The following SLC22A23 variants were observed in gnomAD, a reference collection of about 807,000 sequenced individuals.
SLC22A23 encodes ion transporter protein.
SLC22A23 carries 26 observed loss-of-function variants against 61.0 expected under a neutral mutation model. That is an observed-to-expected ratio of 0.43 (90% CI 0.31 to 0.59). The LOEUF (loss-of-function observed/expected upper bound fraction) is 0.59. SLC22A23 is among the 20% of genes least tolerant of loss of function. The pLI, the probability that SLC22A23 is intolerant of heterozygous loss-of-function variation, is 0.11. For missense variants in SLC22A23, 796 were observed against 934.7 expected, an observed-to-expected ratio of 0.85 and a Z score of 1.94; for synonymous variants, 430 against 413.9, an observed-to-expected ratio of 1.04 and a Z score of -0.47.
intron 9 of SLC22A23, among the ~76,000 whole-genome samples, chr6:3,280,547 G>A (rs1441678125): frequency 7.2e-6 from 1 of 138,944 alleles, no homozygotes; most frequent in Non-Finnish European, 1.5e-5. Flanking sequence ...CCAGGCTGGA[G>A]TGCAGTGGCG....
chr6:3,456,983 G>A lies in SLC22A23; in HGVS notation c.-424C>T, dbSNP rs1368042581. ...GGTGCGGGCAAAGGCTGCTGCTCCCGGGGTGGCCGCGCTGTATTTCTCCGA... is the reference window on the plus strand; with the variant it reads ...GGTGCGGGCAAAGGCTGCTGCTCCCAGGGTGGCCGCGCTGTATTTCTCCGA... On this transcript the variant is annotated 5_prime_UTR_variant, in exon 1 of 10. Coordinates refer to ENST00000406686, the MANE Select transcript of SLC22A23 (RefSeq NM_015482.2). This position sits in a 1 kb window ranked among gnomAD's most constrained non-coding sequence, Gnocchi z 7.1. The A allele has an allele frequency of 1.3e-5, 2 of 151,434 alleles. No homozygotes were observed. The highest frequency in any genetic ancestry group is 3.0e-5 in the Non-Finnish European group (2 of 67,584). The allele number at this position is 151,434 out of a possible 1,614,324, so 9.4% of individuals were successfully genotyped here. A position where few individuals can be genotyped will look rare whatever the true frequency, so the allele number is the denominator to read the frequency against.
At chr6:3,282,022 A>C (rs930622608) in intron 9 of SLC22A23, among the ~76,000 whole-genome samples, 1 of 152,178 alleles carries the variant, frequency 6.6e-6, no homozygotes, top group African/African-American at 2.4e-5. Flanking sequence ...TGCTAAGCCA[A>C]ATCTAACAGA....
chr6:3,431,066 CAAAAAAAAA>C (rs751754256), intron 1 of SLC22A23, among the ~76,000 whole-genome samples: 1 of 129,462 alleles, frequency 7.7e-6, no homozygotes. Flanking sequence ...AACTCCGTCT[CAAAAAAAAA>C]AAAAAAAAAA....
rs566206184 is a variant in SLC22A23 at position 3,283,926 on chromosome 6, C to G, written c.1629G>C (p.Val543=). The change falls in exon 9 of 10, where the codon GTG becomes GTC. Residue 543 remains valine, a synonymous_variant. Coordinates refer to ENST00000406686, the MANE Select transcript of SLC22A23 (RefSeq NM_015482.2). Reference sequence around the variant, plus strand: ...CCACCGCATGGGAGGCAAACATGCCCACGATGGAAAACGCGATGGAAAATT... The same window carrying G: ...CCACCGCATGGGAGGCAAACATGCCGACGATGGAAAACGCGATGGAAAATT... The part of the protein sequence containing the change: ...KDKFSIAFSI[V]GMFASHAVGS... The G allele has an allele frequency of 1.9e-6, 3 of 1,609,776 alleles. No homozygotes were observed. Among genetic ancestry groups the G allele is most frequent in the Non-Finnish European group, 2.6e-6 (3 of 1,176,386 alleles).
chr6:3,425,120 C>T (rs954478499), intron 1 of SLC22A23, among the ~76,000 whole-genome samples: 12 of 151,824 alleles, frequency 7.9e-5, no homozygotes, highest in Admixed American at 1.3e-4. Context: ...ATAATTAATA[C>T]ATAATTATTA....
At chr6:3,409,009 C>G (rs149480894) in intron 3 of SLC22A23, among the ~76,000 whole-genome samples, 2 of 152,232 alleles carry the variant, frequency 1.3e-5, no homozygotes, top group East Asian at 3.8e-4. Context: ...CCATAGACAA[C>G]GGCACAGGCA....
chr6:3,432,218 C>T (rs1770913265), intron 1 of SLC22A23: 1 of 985,332 alleles, frequency 1.0e-6, no homozygotes, highest in Non-Finnish European at 1.2e-6. Flanking sequence ...CGCCTCTGCT[C>T]CCTGGATCTT....
chr6:3,341,930 C>A (rs996134327), intron 3 of SLC22A23, among the ~76,000 whole-genome samples: 5 of 152,096 alleles, frequency 3.3e-5, no homozygotes, highest in Non-Finnish European at 5.9e-5. Context: ...GTACTTCTTT[C>A]ATTTCCTAAA....
chr6:3,291,334 T>C (rs1369452826), intron 5 of SLC22A23: 2 of 152,250 alleles, frequency 1.3e-5, no homozygotes, highest in African/African-American at 2.4e-5. Flanking sequence ...TCTTTCATTA[T>C]AGTTTGAAGA....
chr6:3,385,690 T>G (rs1287759647), intron 3 of SLC22A23, among the ~76,000 whole-genome samples: 2 of 152,202 alleles, frequency 1.3e-5, no homozygotes, highest in Non-Finnish European at 2.9e-5. Flanking sequence ...CCCTTACAAG[T>G]CTGGGCTCCT....
At position 3,447,895 on chromosome 6, in the gene SLC22A23, C is replaced by CTTTTTT. The variant is rs368195068; in HGVS notation, c.654+8010_654+8011insAAAAAA. On this transcript the variant is annotated intron_variant, in intron 1 of 9. Coordinates refer to ENST00000406686, the MANE Select transcript of SLC22A23 (RefSeq NM_015482.2). ...GAGCTACCATGCCTGGCCTCTCTCT[C>CTTTTTT]TCTTTTTTTTTTTTTTTTTTTGAGA... Among the ~76,000 whole-genome samples, 4 of 78,128 alleles carry CTTTTTT rather than the reference C, an allele frequency of 5.1e-5. 1 individual carries two copies. Among genetic ancestry groups the CTTTTTT allele is most frequent in the Non-Finnish European group, 6.8e-5 (3 of 44,110 alleles). The allele number at this position is 78,128 out of a possible 152,430, so 51.3% of individuals were successfully genotyped here.
chr6:3,440,327 AAG>A (rs1771508747), intron 1 of SLC22A23, among the ~76,000 whole-genome samples: 1 of 152,136 alleles, frequency 6.6e-6, no homozygotes, highest in Non-Finnish European at 1.5e-5. Context: ...ACTGTGTTTC[AAG>A]AGTGGGCTTT....
At chr6:3,447,646 T>A (rs1437108825) in intron 1 of SLC22A23, among the ~76,000 whole-genome samples, 3 of 143,610 alleles carry the variant, frequency 2.1e-5, no homozygotes, top group Non-Finnish European at 4.5e-5. Context: ...TGGAGTGCAG[T>A]GGTGCAATCT....
At chr6:3,274,730 AT>A (rs1758739762) in intron 9 of SLC22A23, among the ~76,000 whole-genome samples, 1 of 152,274 alleles carries the variant, frequency 6.6e-6, no homozygotes, top group Admixed American at 6.5e-5. Context: ...AAAAATGAAA[AT>A]GCCATTCACA....
At chr6:3,340,799 T>C (rs540757160) in intron 3 of SLC22A23, among the ~76,000 whole-genome samples, 7 of 152,288 alleles carry the variant, frequency 4.6e-5, no homozygotes, top group African/African-American at 1.7e-4. Flanking sequence ...TGGGTTTTGA[T>C]GGGATCTGTC....
intron 3 of SLC22A23, among the ~76,000 whole-genome samples, chr6:3,352,979 G>T (rs1373573617): frequency 6.6e-6 from 1 of 151,976 alleles, no homozygotes; most frequent in Non-Finnish European, 1.5e-5. Context: ...TGAGGAACAG[G>T]GTCAAAATAT....
intron 1 of SLC22A23, among the ~76,000 whole-genome samples, chr6:3,441,734 G>GC (rs1175447806): frequency 6.6e-6 from 1 of 152,126 alleles, no homozygotes; most frequent in Non-Finnish European, 1.5e-5. Context: ...CCCATTCCCT[G>GC]CCCCGCTCAT....
chr6:3,337,751 C>T (rs1763938903), intron 3 of SLC22A23, among the ~76,000 whole-genome samples: 1 of 152,192 alleles, frequency 6.6e-6, no homozygotes, highest in Non-Finnish European at 1.5e-5. Flanking sequence ...TCCACGAGGA[C>T]TCCCTCAGAT....
chr6:3,435,217 C>T (rs997847979), intron 1 of SLC22A23, among the ~76,000 whole-genome samples: 6 of 152,150 alleles, frequency 3.9e-5, no homozygotes, highest in Admixed American at 6.5e-5. Context: ...AGGGGGCTGT[C>T]AGGATTCAGC....
Sources: allele counts gnomAD v4.1 joint callset (sites outside exome capture counted in the v4.1 genomes callset), GRCh38; gene constraint gnomAD v4.1.1; non-coding constraint Gnocchi (gnomAD v3.1); transcripts MANE v1.5; gene names NCBI Gene and HGNC (gene_info 2026-07-23, HGNC 2026-07-21).